Variants in ADAM23 observed in about 807,000 individuals in gnomAD.
ADAM23 encodes ADAM metallopeptidase domain 23.
Under a neutral mutation model 120.1 loss-of-function variants are expected in ADAM23, and 33 were observed. That is an observed-to-expected ratio of 0.27 (90% CI 0.21 to 0.37). ADAM23 has a LOEUF of 0.37. Ranked by LOEUF, ADAM23 falls within the 10% of genes least tolerant of loss-of-function variation. The pLI, the probability that ADAM23 is intolerant of heterozygous loss-of-function variation, is 1.00. For synonymous variants in ADAM23, 367 were observed against 375.2 expected, an observed-to-expected ratio of 0.98 and a Z score of 0.25; for missense variants, 862 against 1,058.2, an observed-to-expected ratio of 0.81 and a Z score of 2.57.
At position 206,444,016 on chromosome 2, in the gene ADAM23, TCTC is replaced by T; in HGVS notation, c.153_155del (p.Leu53del). 2 of 1,409,754 alleles carry T rather than the reference TCTC, an allele frequency of 1.4e-6. No homozygotes were observed. Among genetic ancestry groups the T allele is most frequent in the Non-Finnish European group, 1.9e-6 (2 of 1,078,408 alleles). 87.3% of individuals were successfully genotyped at this position (1,409,754 alleles called of 1,614,324 possible). On this transcript the variant is annotated inframe_deletion, in exon 1 of 26. Coordinates refer to ENST00000264377, the MANE Select transcript of ADAM23 (RefSeq NM_003812.4). ...CGCCCTGCCGCCTGCTTCTCGTCCT[TCTC>T]CTGCTGCCTCCGCTCGCCGCCTCGT...
chr2:206,492,132 T>A (rs1179271417), intron 3 of ADAM23, among the ~76,000 whole-genome samples: 1 of 152,164 alleles, frequency 6.6e-6, no homozygotes, highest in Non-Finnish European at 1.5e-5. Flanking sequence ...ATCTGAGAAG[T>A]ACTGTGATGG....
intron 4 of ADAM23, among the ~76,000 whole-genome samples, chr2:206,534,974 T>G (rs1424481794): frequency 1.3e-5 from 2 of 151,974 alleles, no homozygotes; most frequent in Non-Finnish European, 2.9e-5. Context: ...CTTTTTTTTT[T>G]GTAGGATCTA....
At chr2:206,571,202 G>A (rs1273326181) in intron 16 of ADAM23, among the ~76,000 whole-genome samples, 6 of 152,212 alleles carry the variant, frequency 3.9e-5, no homozygotes, top group African/African-American at 4.8e-5. Context: ...TCGGCCGGGC[G>A]CGGTGGCTGA....
chr2:206,562,713 A>G (rs16838349), intron 13 of ADAM23, among the ~76,000 whole-genome samples: 9,934 of 152,294 alleles, frequency 0.065, 419 homozygotes, highest in Admixed American at 0.15. Flanking sequence ...TTAAACTCTA[A>G]TGAAATTTAC....
intron 24 of ADAM23, among the ~76,000 whole-genome samples, chr2:206,602,074 C>T (rs904630360): frequency 2.6e-5 from 4 of 152,134 alleles, no homozygotes; most frequent in Non-Finnish European, 5.9e-5. Context: ...GTGCACAAAT[C>T]TTTGATTTTA....
At chr2:206,482,320 C>T (rs143994210) in intron 3 of ADAM23, among the ~76,000 whole-genome samples, 4 of 152,270 alleles carry the variant, frequency 2.6e-5, no homozygotes, top group East Asian at 3.9e-4. Flanking sequence ...GGTTGAGTTC[C>T]GTTTCACCAT....
At chr2:206,455,313 G>A (rs141699937) in intron 2 of ADAM23, among the ~76,000 whole-genome samples, 4 of 152,334 alleles carry the variant, frequency 2.6e-5, no homozygotes, top group Non-Finnish European at 4.4e-5. Context: ...GGCTAGAGCT[G>A]GAGTAGATGG....
rs143778497 is a variant in ADAM23, at chr2:206,530,987, G to A, written c.573+39G>A. 87 of 1,570,070 alleles carry A rather than the reference G, an allele frequency of 5.5e-5. No homozygotes were observed. The East Asian group carries it at 1.6e-3, about 29-fold the overall frequency. ...CGTCGGCAAGTACTCTAGTATAAGT[G>A]TGCTTATCATAGAGTTGATCAGTGC... On this transcript the variant is annotated intron_variant, in intron 4 of 25. Transcript: ENST00000264377.
chr2:206,489,598 G>A (rs1696086846), intron 3 of ADAM23, among the ~76,000 whole-genome samples: 1 of 152,188 alleles, frequency 6.6e-6, no homozygotes, highest in Non-Finnish European at 1.5e-5. Flanking sequence ...ACTGTGCCAA[G>A]CCCTATGTGT....
intron 4 of ADAM23, 64 bp downstream of exon 4, chr2:206,531,012 C>A: frequency 7.4e-7 from 1 of 1,351,348 alleles, no homozygotes; most frequent in Non-Finnish European, 1.0e-6. Context: ...TTGATCAGTG[C>A]ACACTGCGTT....
intron 3 of ADAM23, among the ~76,000 whole-genome samples, chr2:206,486,014 C>T (rs1029629899): frequency 6.6e-6 from 1 of 152,154 alleles, no homozygotes; most frequent in African/African-American, 2.4e-5. Context: ...GGCCATTATG[C>T]AGTGCAGGGC....
At chr2:206,549,457 A>G (rs1697467138) in intron 8 of ADAM23, among the ~76,000 whole-genome samples, 1 of 152,008 alleles carries the variant, frequency 6.6e-6, no homozygotes, top group African/African-American at 2.4e-5. Context: ...AAAAGAAATA[A>G]AAGTCCAAAT....
At chr2:206,518,733 G>C (rs1696782928) in intron 3 of ADAM23, among the ~76,000 whole-genome samples, 1 of 152,056 alleles carries the variant, frequency 6.6e-6, no homozygotes, top group Non-Finnish European at 1.5e-5. Context: ...TTGGTAATTG[G>C]GGTACAGTCT....
At chr2:206,542,241 T>C in intron 5 of ADAM23, 107 bp downstream of exon 5, 2 of 1,105,480 alleles carry the variant, frequency 1.8e-6, no homozygotes, top group South Asian at 2.6e-5. Context: ...TGTTAGGGAC[T>C]GCATGTGGAG....
intron 2 of ADAM23, among the ~76,000 whole-genome samples, chr2:206,469,390 A>C (rs1207925875): frequency 6.6e-6 from 1 of 152,138 alleles, no homozygotes; most frequent in Non-Finnish European, 1.5e-5. Flanking sequence ...TCTGTAAGTG[A>C]GTCCTATTGA....
intron 9 of ADAM23, among the ~76,000 whole-genome samples, chr2:206,556,940 A>G (rs1697656179): frequency 6.6e-6 from 1 of 152,210 alleles, no homozygotes; most frequent in East Asian, 1.9e-4. Context: ...AGCCGTTTGT[A>G]TAAGCTACAA....
chr2:206,516,005 G>T (rs1696721854), intron 3 of ADAM23, among the ~76,000 whole-genome samples: 1 of 151,694 alleles, frequency 6.6e-6, no homozygotes, highest in African/African-American at 2.4e-5. Context: ...TCTAATTTAT[G>T]AAAATTATGA....
chr2:206,545,426 C>T (rs769864739), intron 6 of ADAM23, among the ~76,000 whole-genome samples: 1 of 152,112 alleles, frequency 6.6e-6, no homozygotes, highest in Non-Finnish European at 1.5e-5. Context: ...GCAGAGGTTA[C>T]AGCGAGCCAA....
intron 3 of ADAM23, among the ~76,000 whole-genome samples, chr2:206,504,775 A>G (rs1271410222): frequency 6.6e-6 from 1 of 152,194 alleles, no homozygotes; most frequent in Non-Finnish European, 1.5e-5. Context: ...TGAGCCCTAG[A>G]ACCCAGGACT....
Sources: allele counts gnomAD v4.1 joint callset (sites outside exome capture counted in the v4.1 genomes callset), GRCh38; gene constraint gnomAD v4.1.1; transcripts MANE v1.5; gene names NCBI Gene and HGNC (gene_info 2026-07-23, HGNC 2026-07-21).